Variants in NUP62 observed in about 807,000 individuals in gnomAD.
NUP62 encodes nucleoporin 62, also known as nuclear pore glycoprotein p62.
For missense variants in NUP62, 647 were observed against 689.4 expected, an observed-to-expected ratio of 0.94 and a Z score of 0.69; for synonymous variants, 305 against 303.4, an observed-to-expected ratio of 1.01 and a Z score of -0.05.
rs1053590489 is a variant in NUP62, at chr19:49,912,201, G to A, written c.-77-2317C>T. 9.6e-4 allele frequency among the ~76,000 whole-genome samples: 124 copies of A among 129,422 alleles called. No homozygotes were observed. In the Admixed American group the frequency reaches 0.01, roughly 11 times the overall value. 84.9% of individuals were successfully genotyped at this position (129,422 alleles called of 152,430 possible). A position where few individuals can be genotyped will look rare whatever the true frequency, so the allele number is the denominator to read the frequency against. On this transcript the variant is annotated intron_variant, in intron 2 of 2. Transcript: ENST00000352066. ...TTTTTTTTTTTGAGACGGGAGTCTC[G>A]CTCTGTTGCCCAGGCTGGAGTGGAA...
In NUP62 at chr19:49,907,683, C is replaced by A; in HGVS notation, c.*556G>T. The A allele has an allele frequency of 8.3e-6, 3 of 360,078 alleles. No individual in the cohort carries two copies. Among genetic ancestry groups the A allele is most frequent in the South Asian group, 6.5e-5 (3 of 46,476 alleles). 22.3% of individuals were successfully genotyped at this position (360,078 alleles called of 1,614,324 possible). On this transcript the variant is annotated 3_prime_UTR_variant, in exon 3 of 3. Transcript: ENST00000352066. ...GAGTAGCTGAGATTGAGATCACAGG[C>A]GTCCACCACACCTGACTAATTTTTG...
At position 49,907,591 on chromosome 19, in the gene NUP62, C is replaced by A. The variant is rs1351125486; in HGVS notation, c.*648G>T. The A allele has an allele frequency of 4.9e-6, 2 of 405,084 alleles. No individual in the cohort carries two copies. Among genetic ancestry groups the A allele is most frequent in the Non-Finnish European group, 9.4e-6 (2 of 213,892 alleles). The allele number at this position is 405,084 out of a possible 1,614,324, so 25.1% of individuals were successfully genotyped here. On this transcript the variant is annotated 3_prime_UTR_variant, in exon 3 of 3. Coordinates refer to ENST00000352066, the MANE Select transcript of NUP62 (RefSeq NM_016553.5). ...AGTCTCTGTTGCCTAGGCTGGAGTG[C>A]AGTGGTGTGATCTTGGTTCACTGCA...
In NUP62 at chr19:49,909,086, G is replaced by T. The variant is rs1035796088; in HGVS notation, c.722C>A (p.Thr241Asn). The T allele has an allele frequency of 1.9e-6, 3 of 1,612,612 alleles. No individual in the cohort carries two copies. The East Asian group carries it at 6.7e-5, about 36-fold the overall frequency. The change falls in exon 3 of 3, where the codon ACC becomes AAC. Residue 241 changes from threonine to asparagine, a missense_variant. Transcript: ENST00000352066. ...SSATTGLSLCTPVTTAGAPTA... is the reference protein window; with the variant it reads ...SSATTGLSLCNPVTTAGAPTA... ...GGGGGCGCCCGCTGTGGTCACAGGG[G>T]TACAGAGGGAGAGTCCAGTGGTGGC...
At position 49,909,240 on chromosome 19, in the gene NUP62, A is replaced by C; in HGVS notation, c.568T>G (p.Phe190Val). ...GTGGCTGCTGGCGTGGCCGGAGTGA[A>C]GGGCAACGTGGCAGGTGCCGTGGGC... ...AQPTAPATLPFTPATPAATTA... is the reference protein window; with the variant it reads ...AQPTAPATLPVTPATPAATTA... The change falls in exon 3 of 3, where the codon TTC becomes GTC. Residue 190 changes from phenylalanine (F) to valine (V), a missense_variant. By Grantham distance (50) the Phe-to-Val change is conservative. Coordinates refer to ENST00000352066, the MANE Select transcript of NUP62 (RefSeq NM_016553.5). 6.2e-7 allele frequency: 1 copy of C among 1,614,004 alleles called. No individual in the cohort carries two copies. Among genetic ancestry groups the C allele is most frequent in the Non-Finnish European group, 8.5e-7 (1 of 1,179,958 alleles).
At position 49,908,544 on chromosome 19, in the gene NUP62, A is replaced by G; in HGVS notation, c.1264T>C (p.Tyr422His). 1.9e-6 allele frequency: 3 copies of G among 1,614,134 alleles called. No individual in the cohort carries two copies. Among genetic ancestry groups the G allele is most frequent in the Non-Finnish European group, 2.5e-6 (3 of 1,180,034 alleles). ...CGCTCCTCATCCGCGTGCTGCAGGT[A>G]GATGGTCCCGCTCTGCTCCTTGACC... is the stretch of plus-strand genomic sequence containing the variant. ...ELVKEQSGTI[Y>H]LQHADEEREK... is the part of the protein sequence containing the mutation. Residue 422 changes from tyrosine to histidine, a missense_variant, in exon 3 of 3, where the codon TAC becomes CAC. By Grantham distance (83) the Tyr-to-His change is moderately conservative. Transcript: ENST00000352066.
At chr19:49,923,462 G>T (rs1358775506) in intron 2 of NUP62, among the ~76,000 whole-genome samples, 1 of 152,224 alleles carries the variant, frequency 6.6e-6, no homozygotes, top group African/African-American at 2.4e-5. Context: ...CCCTCGAAGC[G>T]TTCGGGGGAG....
chr19:49,926,574 A>G (rs1374901617), intron 2 of NUP62, among the ~76,000 whole-genome samples: 10 of 152,174 alleles, frequency 6.6e-5, no homozygotes, highest in Admixed American at 6.5e-4. Flanking sequence ...CCCATGTACA[A>G]TCTAGAAGAT....
At chr19:49,925,121 T>G (rs1205097032) in intron 2 of NUP62, among the ~76,000 whole-genome samples, 1 of 151,944 alleles carries the variant, frequency 6.6e-6, no homozygotes, top group African/African-American at 2.4e-5. Flanking sequence ...ATTAGCCATG[T>G]GTGGTGACAC....
intron 2 of NUP62, among the ~76,000 whole-genome samples, chr19:49,918,966 A>G (rs1387854436): frequency 6.6e-6 from 1 of 150,522 alleles, no homozygotes; most frequent in East Asian, 2.0e-4. Context: ...CCTGACCAAC[A>G]TGGAGAAACC....
chr19:49,910,358 G>A (rs2075432949), intron 2 of NUP62, among the ~76,000 whole-genome samples: 2 of 152,054 alleles, frequency 1.3e-5, no homozygotes, highest in South Asian at 2.1e-4. Context: ...GATGGGGCCG[G>A]GAACCCAGGC....
rs1475868894 is a variant in NUP62, at chr19:49,909,867, G to A, written c.-60C>T. ...TCCCAAAGCAAATCCGTCGGTGTCT[G>A]CAGCCTTGGGAAGATTTCTAAAGCA... is the stretch of plus-strand genomic sequence containing the variant. On this transcript the variant is annotated 5_prime_UTR_variant, in exon 3 of 3. Transcript: ENST00000352066. The A allele has an allele frequency of 1.3e-6, 2 of 1,556,942 alleles. No homozygotes were observed. The highest frequency in any genetic ancestry group is 1.8e-6 in the Non-Finnish European group (2 of 1,132,286).
At chr19:49,916,683 C>G (rs916368145) in intron 2 of NUP62, among the ~76,000 whole-genome samples, 1 of 151,616 alleles carries the variant, frequency 6.6e-6, no homozygotes, top group Admixed American at 6.6e-5. Flanking sequence ...AGAATGGCAT[C>G]AACCCGGGAG....
chr19:49,917,243 C>CCTCCA (rs555094928), intron 2 of NUP62, among the ~76,000 whole-genome samples: 61 of 152,348 alleles, frequency 4.0e-4, no homozygotes, highest in African/African-American at 1.2e-3. Flanking sequence ...CAGACGCCGT[C>CCTCCA]CTCCAACACT....
chr19:49,909,837 C>G lies in NUP62; in HGVS notation c.-30G>C, dbSNP rs764815456. On this transcript the variant is annotated 5_prime_UTR_variant, in exon 3 of 3. Transcript: ENST00000352066. Reference sequence around the variant, plus strand: ...CCGGACTCTGGTGGCGGCAGCTACTCTGGCTCCCAAAGCAAATCCGTCGGT... The same window carrying G: ...CCGGACTCTGGTGGCGGCAGCTACTGTGGCTCCCAAAGCAAATCCGTCGGT... The G allele has an allele frequency of 9.9e-6, 16 of 1,611,406 alleles. No individual in the cohort carries two copies. Among genetic ancestry groups the G allele is most frequent in the Non-Finnish European group, 1.4e-5 (16 of 1,178,366 alleles).
chr19:49,912,343 AT>A (rs993017186), intron 2 of NUP62, among the ~76,000 whole-genome samples: 6 of 151,842 alleles, frequency 4.0e-5, no homozygotes, highest in Non-Finnish European at 8.8e-5. Flanking sequence ...TAATTTTTGT[AT>A]TTTTAGTAGA....
intron 2 of NUP62, among the ~76,000 whole-genome samples, chr19:49,916,641 G>A (rs1463007257): frequency 3.3e-5 from 5 of 151,898 alleles, no homozygotes; most frequent in South Asian, 4.2e-4. Context: ...GTGGGTGCCC[G>A]TAGTCCCAGC....
Position 49,909,844 on chromosome 19 carries a change from C to T in NUP62, c.-37G>A, listed in dbSNP as rs2075418453. Reference sequence around the variant, plus strand: ...CTGGTGGCGGCAGCTACTCTGGCTCCCAAAGCAAATCCGTCGGTGTCTGCA... The same window carrying T: ...CTGGTGGCGGCAGCTACTCTGGCTCTCAAAGCAAATCCGTCGGTGTCTGCA... On this transcript the variant is annotated 5_prime_UTR_variant, in exon 3 of 3. Transcript: ENST00000352066. 6.2e-7 allele frequency: 1 copy of T among 1,606,106 alleles called. No individual in the cohort carries two copies.
rs999508845 is a variant in NUP62, at chr19:49,921,278, C to T, written c.-78+6416G>A. Among the ~76,000 whole-genome samples, 21 of 152,150 alleles carry T rather than the reference C, an allele frequency of 1.4e-4. No individual in the cohort carries two copies. The highest frequency in any genetic ancestry group is 5.1e-4 in the African/African-American group (21 of 41,418). ...AAGTCCCACAACCAGTAAGGGCTGG[C>T]CCAGGTGTCTGGCCCCACAGCTGAG... On this transcript the variant is annotated intron_variant, in intron 2 of 2. Transcript: ENST00000352066. The surrounding 1 kb of genome is among the most constrained non-coding windows in gnomAD (Gnocchi z 5.4).
At chr19:49,924,298 C>G (rs998020023) in intron 2 of NUP62, among the ~76,000 whole-genome samples, 1 of 152,144 alleles carries the variant, frequency 6.6e-6, no homozygotes, top group Non-Finnish European at 1.5e-5. Context: ...TTCTTGGCAC[C>G]GAGCCTCAGA....
Sources: gnomAD v4.1 joint callset for allele counts (sites outside exome capture counted in the v4.1 genomes callset) on GRCh38, gnomAD v4.1.1 for gene constraint, Gnocchi (gnomAD v3.1) non-coding constraint, MANE v1.5 for transcripts, NCBI Gene and HGNC (gene_info 2026-07-23, HGNC 2026-07-21) for gene names.